Variants in NUP160 observed in about 807,000 individuals in gnomAD.
NUP160 encodes nuclear pore complex protein Nup160.
A neutral mutation model predicts 196.9 loss-of-function variants in NUP160; 94 were observed. The observed-to-expected ratio is 0.48, with a 90% CI of 0.40 to 0.57. The LOEUF (loss-of-function observed/expected upper bound fraction) is 0.57. NUP160 is among the 20% of genes least tolerant of loss of function. The pLI, the probability that NUP160 is intolerant of heterozygous loss-of-function variation, is 0.00. For synonymous variants in NUP160, 605 were observed against 619.7 expected, an observed-to-expected ratio of 0.98 and a Z score of 0.35; for missense variants, 1,638 against 1,748.3, an observed-to-expected ratio of 0.94 and a Z score of 1.13.
At chr11:47,836,599 T>A (rs1205688636) in intron 6 of NUP160, among the ~76,000 whole-genome samples, 1 of 151,976 alleles carries the variant, frequency 6.6e-6, no homozygotes, top group Non-Finnish European at 1.5e-5. Flanking sequence ...GGTGACAAAG[T>A]GAGACTGTTT....
rs1326009147 is a variant in NUP160, at chr11:47,809,033, GGAT to G, written c.2242-507_2242-505del. Among the ~76,000 whole-genome samples the G allele has an allele frequency of 3.3e-5, 5 of 151,776 alleles. No individual in the cohort carries two copies. In the East Asian group the frequency reaches 9.7e-4, roughly 29 times the overall value. ...GGAGAATCGCTTGAACCCAGGAGGC[GGAT>G]GTTGCAGTGAGCTGAGATCGCGCCA... On this transcript the variant is annotated intron_variant, in intron 17 of 35. Transcript: ENST00000378460.
chr11:47,814,435 T>C (rs1391578909), intron 13 of NUP160, among the ~76,000 whole-genome samples: 2 of 151,026 alleles, frequency 1.3e-5, no homozygotes, highest in Non-Finnish European at 2.9e-5. Context: ...CCAGCTACTC[T>C]GGAGGATAGG....
At chr11:47,784,861 T>A (rs1328584417) in intron 33 of NUP160, 61 bp downstream of exon 33, 1 of 1,287,848 alleles carries the variant, frequency 7.8e-7, no homozygotes, top group Non-Finnish European at 1.1e-6. Context: ...AATCATCTCA[T>A]GAAGTTATCC....
In NUP160 at chr11:47,847,961, T is replaced by C; in HGVS notation, c.203-2A>G. ...CGCCAGCCACGGCATTTGCAGTCCC[T>C]GCAAAATGAACGTGGTCAGCCTGCA... is the stretch of plus-strand genomic sequence containing the variant. On this transcript the variant is annotated splice_acceptor_variant, in intron 1 of 35. Transcript: ENST00000378460. LOFTEE classifies it high-confidence loss of function. The C allele has an allele frequency of 6.2e-7, 1 of 1,612,468 alleles. No homozygotes were observed. The highest frequency in any genetic ancestry group is 8.5e-7 in the Non-Finnish European group (1 of 1,178,568).
chr11:47,839,605 A>C, intron 4 of NUP160: 1 of 491,550 alleles, frequency 2.0e-6, no homozygotes, highest in Non-Finnish European at 3.6e-6. Context: ...CTCTACTACA[A>C]GATTTAGAAT....
At chr11:47,799,363 G>A (rs1001997795) in intron 23 of NUP160, among the ~76,000 whole-genome samples, 1 of 152,060 alleles carries the variant, frequency 6.6e-6, no homozygotes, top group African/African-American at 2.4e-5. Context: ...TAAGGTTACA[G>A]GCGTGAGCCA....
intron 4 of NUP160, 197 bp downstream of exon 4, chr11:47,839,645 TC>T: frequency 1.7e-6 from 1 of 584,728 alleles, no homozygotes; most frequent in Non-Finnish European, 3.0e-6. Flanking sequence ...TATTTGTTTT[TC>T]CGTGCTCCAA....
At chr11:47,825,663 G>A (rs776796092) in intron 7 of NUP160, among the ~76,000 whole-genome samples, 1 of 151,996 alleles carries the variant, frequency 6.6e-6, no homozygotes, top group African/African-American at 2.4e-5. Flanking sequence ...ATGTTGGTCA[G>A]GGTGGTCTCA....
rs150027104 is a variant in NUP160 at position 47,838,131 on chromosome 11, T to G, written c.749-508A>C. The stretch of plus-strand genomic sequence containing the variant: ...ATATAGGGAGGGCAGGCAGGGGCAC[T>G]GCAATTTTGAAAAGGATGGTCAGGG... On this transcript the variant is annotated intron_variant, in intron 4 of 35. Transcript: ENST00000378460. Among the ~76,000 whole-genome samples the G allele has an allele frequency of 2.0e-5, 3 of 152,180 alleles. No homozygotes were observed. The East Asian group carries it at 5.8e-4, about 29-fold the overall frequency.
Position 47,781,154 on chromosome 11 carries a change from C to T in NUP160, c.4117-707G>A, listed in dbSNP as rs756673139. On this transcript the variant is annotated intron_variant, in intron 34 of 35. Transcript: ENST00000378460. ...TGAAGAATTGCTTGAACCCGGGAGG[C>T]GGAGGTTACAGTGAGCCGAGATCAT... Among the ~76,000 whole-genome samples, 7 of 151,834 alleles carry T rather than the reference C, an allele frequency of 4.6e-5. No individual in the cohort carries two copies. The South Asian group carries it at 8.3e-4, about 18-fold the overall frequency.
rs2305984 is a variant in NUP160 at position 47,848,303 on chromosome 11, C to T, written c.118G>A (p.Ala40Thr). Residue 40 changes from alanine to threonine, a missense_variant, in exon 1 of 36, where the codon GCC becomes ACC. This residue lies in a region of NUP160 where 287 missense variants were observed against 259.5 expected (regional missense o/e 1.11). Coordinates refer to ENST00000378460, the Ensembl canonical transcript of NUP160. The stretch of plus-strand genomic sequence containing the variant: ...AGCTCCACGAAGCTCCGTTCCAGGG[C>T]TCCCGCCGCCGCCATCTTCCCGCCG... The T allele has an allele frequency of 5.0e-3, 8,134 of 1,613,836 alleles. 712 individuals are homozygous for T. The East Asian group carries it at 0.14, about 28-fold the overall frequency.
intron 14 of NUP160, 55 bp from the exon 15 acceptor site, chr11:47,813,102 T>C (rs2097682101): frequency 4.0e-6 from 5 of 1,251,556 alleles, no homozygotes; most frequent in South Asian, 1.3e-5. Context: ...AATCTATTGA[T>C]TGATATTACA....
At chr11:47,792,082 T>G in intron 28 of NUP160, 92 bp from the exon 29 acceptor site, 3 of 854,604 alleles carry the variant, frequency 3.5e-6, no homozygotes, top group Non-Finnish European at 5.6e-6. Flanking sequence ...GCTTAAATTT[T>G]CTCAATGGAA....
chr11:47,784,389 C>T (rs1220530982), intron 33 of NUP160, among the ~76,000 whole-genome samples: 1 of 152,142 alleles, frequency 6.6e-6, no homozygotes, highest in Non-Finnish European at 1.5e-5. Flanking sequence ...GTAAACAACA[C>T]GGCACTCAGA....
chr11:47,805,408 G>C (rs547192881), intron 20 of NUP160, among the ~76,000 whole-genome samples: 2 of 151,224 alleles, frequency 1.3e-5, no homozygotes, highest in Non-Finnish European at 2.9e-5. Context: ...TGGGATTATA[G>C]GCATGAGCCA....
intron 2 of NUP160, among the ~76,000 whole-genome samples, chr11:47,845,947 A>G (rs1852392827): frequency 6.6e-6 from 1 of 152,184 alleles, no homozygotes; most frequent in Admixed American, 6.5e-5. Context: ...AGTCTGGACA[A>G]CAAGGCAAAA....
intron 15 of NUP160, among the ~76,000 whole-genome samples, chr11:47,812,645 T>G (rs532655688): frequency 6.6e-6 from 1 of 152,206 alleles, no homozygotes; most frequent in Non-Finnish European, 1.5e-5. Context: ...ACACTTTTGC[T>G]TTTTAGAATT....
At chr11:47,833,958 T>C (rs960075298) in intron 7 of NUP160, among the ~76,000 whole-genome samples, 3 of 152,244 alleles carry the variant, frequency 2.0e-5, no homozygotes, top group Non-Finnish European at 4.4e-5. Flanking sequence ...TTCACTTTGC[T>C]TTGTATCTTT....
intron 20 of NUP160, among the ~76,000 whole-genome samples, chr11:47,805,592 T>G (rs1338524085): frequency 1.3e-5 from 2 of 151,726 alleles, no homozygotes; most frequent in Non-Finnish European, 2.9e-5. Flanking sequence ...TACAGGCGCC[T>G]GCCACCATGC....
Sources: allele counts gnomAD v4.1 joint callset (sites outside exome capture counted in the v4.1 genomes callset), GRCh38; gene constraint gnomAD v4.1.1; regional missense constraint gnomAD v4.1.1; transcripts MANE v1.5; gene names NCBI Gene and HGNC (gene_info 2026-07-23, HGNC 2026-07-21).